ASCC3: variants seen among roughly 807,000 people sequenced by gnomAD.
ASCC3 encodes the protein ASC-1 complex subunit P200.
ASCC3 carries 158 observed loss-of-function variants against 256.3 expected under a neutral mutation model. The ratio of observed to expected loss-of-function variants is 0.62; its 90% confidence interval spans 0.54 to 0.70. The LOEUF is 0.70. Among genes scored for constraint, ASCC3 ranks in the 30% least tolerant of loss-of-function variants. ASCC3 has a pLI of 0.00. For synonymous variants in ASCC3, 948 were observed against 883.4 expected (o/e 1.07, Z -1.30); for missense variants, 2,259 against 2,626.0 (o/e 0.86, Z 3.05).
At chr6:100,609,137 T>C (rs948046974) in intron 30 of ASCC3, among the ~76,000 whole-genome samples, 2 of 152,008 alleles carry the variant, frequency 1.3e-5, no homozygotes, top group Admixed American at 6.6e-5. Context: ...GGACCTAAAA[T>C]TGTAAATCGG....
chr6:100,589,838 C>T, intron 35 of ASCC3, 70 bp from the exon 36 acceptor site: 1 of 1,604,104 alleles, frequency 6.2e-7, no homozygotes, highest in Non-Finnish European at 8.5e-7. Flanking sequence ...ATAATTCAGA[C>T]AGGTGCTTTT....
At chr6:100,633,783 A>G (rs1271745844) in intron 25 of ASCC3, among the ~76,000 whole-genome samples, 1 of 151,986 alleles carries the variant, frequency 6.6e-6, no homozygotes, top group African/African-American at 2.4e-5. Flanking sequence ...CTGAGGCAGA[A>G]GAATCGCTTG....
intron 4 of ASCC3, among the ~76,000 whole-genome samples, chr6:100,813,566 T>C (rs1362183652): frequency 2.0e-5 from 3 of 152,078 alleles, no homozygotes; most frequent in African/African-American, 7.2e-5. Context: ...TGAAAGCAAG[T>C]AACTTCAGAT....
chr6:100,547,441 T>C (rs943667412), intron 36 of ASCC3, among the ~76,000 whole-genome samples: 3 of 152,038 alleles, frequency 2.0e-5, no homozygotes. Flanking sequence ...TGAAAGTATC[T>C]GCAAAGCAGA....
chr6:100,733,219 A>G (rs1056761915), intron 10 of ASCC3, among the ~76,000 whole-genome samples: 2 of 152,204 alleles, frequency 1.3e-5, no homozygotes, highest in Non-Finnish European at 2.9e-5. Context: ...TCAAACTTTA[A>G]GAGCGGTTTC....
At chr6:100,824,400 T>C (rs1582919197) in intron 4 of ASCC3, among the ~76,000 whole-genome samples, 1 of 152,312 alleles carries the variant, frequency 6.6e-6, no homozygotes, top group East Asian at 1.9e-4. Flanking sequence ...AAAGACCTCA[T>C]TCAAATGAGA....
chr6:100,646,859 T>A (rs1775407789), intron 21 of ASCC3, 90 bp from the exon 22 acceptor site: 1 of 1,313,800 alleles, frequency 7.6e-7, no homozygotes, highest in Non-Finnish European at 1.1e-6. Context: ...GAGAAGGTGA[T>A]TTTATTGCTT....
chr6:100,828,959 G>C (rs897128213), intron 4 of ASCC3, among the ~76,000 whole-genome samples: 2 of 151,990 alleles, frequency 1.3e-5, no homozygotes, highest in Non-Finnish European at 2.9e-5. Context: ...GTTTTGACAG[G>C]GTGCTGATTG....
chr6:100,765,759 A>G (rs1312272938), intron 10 of ASCC3, among the ~76,000 whole-genome samples: 1 of 152,342 alleles, frequency 6.6e-6, no homozygotes, highest in Middle Eastern at 3.4e-3. Flanking sequence ...TGTCTCAGAT[A>G]CTTTTGGTCT....
At chr6:100,828,817 C>T (rs1771465298) in intron 4 of ASCC3, among the ~76,000 whole-genome samples, 1 of 152,006 alleles carries the variant, frequency 6.6e-6, no homozygotes. Flanking sequence ...AGCGAAAGAA[C>T]AAAGCTTCCA....
chr6:100,589,904 G>T (rs781402008), intron 35 of ASCC3, 44 bp downstream of exon 35: 1 of 1,593,248 alleles, frequency 6.3e-7, no homozygotes. Context: ...CTGTCAAAAA[G>T]CTGGGCAATC....
At chr6:100,716,828 A>C (rs756424134) in intron 12 of ASCC3, among the ~76,000 whole-genome samples, 2 of 151,966 alleles carry the variant, frequency 1.3e-5, no homozygotes, top group Admixed American at 1.3e-4. Context: ...AATAAGGTTT[A>C]AGGTGGCTGA....
intron 13 of ASCC3, among the ~76,000 whole-genome samples, chr6:100,698,493 A>G (rs1778191024): frequency 6.6e-6 from 1 of 152,152 alleles, no homozygotes; most frequent in Non-Finnish European, 1.5e-5. Flanking sequence ...GGCTTAATGA[A>G]TAGAAATTTA....
intron 13 of ASCC3, among the ~76,000 whole-genome samples, chr6:100,707,205 T>C (rs532222355): frequency 1.3e-5 from 2 of 152,216 alleles, no homozygotes. Flanking sequence ...GGACCTGTCT[T>C]GCTGGGACAC....
intron 13 of ASCC3, among the ~76,000 whole-genome samples, chr6:100,709,114 C>A (rs969717972): frequency 1.3e-5 from 2 of 151,912 alleles, no homozygotes; most frequent in Non-Finnish European, 2.9e-5. Flanking sequence ...TTTATAAAAT[C>A]CTATGTAGGT....
At chr6:100,708,389 A>G (rs1261613157) in intron 13 of ASCC3, among the ~76,000 whole-genome samples, 5 of 152,170 alleles carry the variant, frequency 3.3e-5, no homozygotes, top group Non-Finnish European at 2.9e-5. Flanking sequence ...ATAAATTTAT[A>G]TCTTGGTTCT....
chr6:100,657,110 CTATAATTTTCATTATAATG>C (rs1481740117), intron 16 of ASCC3, among the ~76,000 whole-genome samples: 1 of 150,966 alleles, frequency 6.6e-6, no homozygotes, highest in Non-Finnish European at 1.5e-5. Flanking sequence ...ATTTAGTAAT[CTATAATTTTCATTATAATG>C]TATAATTTTC....
At chr6:100,822,832 T>C (rs937616167) in intron 4 of ASCC3, among the ~76,000 whole-genome samples, 4 of 152,156 alleles carry the variant, frequency 2.6e-5, no homozygotes, top group Non-Finnish European at 4.4e-5. Context: ...CATAAGAAAA[T>C]AATTTATCAT....
chr6:100,581,687 G>A (rs1433912935), intron 36 of ASCC3, among the ~76,000 whole-genome samples: 1 of 152,076 alleles, frequency 6.6e-6, no homozygotes, highest in Admixed American at 6.6e-5. Context: ...GTAATGCCTA[G>A]GTTTTCTTCT....
Sources: allele counts gnomAD v4.1 joint callset (sites outside exome capture counted in the v4.1 genomes callset), GRCh38; gene constraint gnomAD v4.1.1; transcripts MANE v1.5; gene names NCBI Gene and HGNC (gene_info 2026-07-23, HGNC 2026-07-21).